The following TEX14 variants were observed in gnomAD, a reference collection of about 807,000 sequenced individuals.
The protein encoded by TEX14 is testis expressed 14, intercellular bridge forming factor, also known as inactive serine/threonine-protein kinase TEX14.
A neutral mutation model predicts 178.6 loss-of-function variants in TEX14; 168 were observed. That is an observed-to-expected ratio of 0.94 (90% CI 0.83 to 1.07). The LOEUF is 1.07. Ranked by LOEUF, TEX14 falls within the 50% of genes least tolerant of loss-of-function variation. The pLI, the probability that TEX14 is intolerant of heterozygous loss-of-function variation, is 0.00. For synonymous variants in TEX14, 626 were observed against 634.1 expected (o/e 0.99, Z 0.19); for missense variants, 1,730 against 1,753.6 (o/e 0.99, Z 0.24).
chr17:58,643,210 C>A (rs191817104), intron 2 of TEX14, among the ~76,000 whole-genome samples: 2 of 152,258 alleles, frequency 1.3e-5, no homozygotes, highest in African/African-American at 4.8e-5. Flanking sequence ...CCCAATAAAG[C>A]TGGCCTGTAT....
intron 3 of TEX14, among the ~76,000 whole-genome samples, chr17:58,626,569 CAAAAAAAAAAAA>C (rs11327030): frequency 3.0e-5 from 1 of 33,662 alleles, no homozygotes; most frequent in Non-Finnish European, 4.9e-5. Context: ...GACTCCATCT[CAAAAAAAAAAAA>C]AAAAAAAAAA....
chr17:58,559,307 A>C, intron 30 of TEX14, 146 bp downstream of exon 30: 1 of 515,040 alleles, frequency 1.9e-6, no homozygotes, highest in Non-Finnish European at 3.4e-6. Flanking sequence ...CAATTAACAG[A>C]AAACCTGAGC....
At chr17:58,574,101 A>C in intron 22 of TEX14, 86 bp downstream of exon 22, 1 of 1,110,628 alleles carries the variant, frequency 9.0e-7, no homozygotes. Flanking sequence ...TAAAAATGGA[A>C]AGATCCTTAC....
At chr17:58,657,583 C>T (rs2046997147) in intron 1 of TEX14, among the ~76,000 whole-genome samples, 1 of 124,174 alleles carries the variant, frequency 8.1e-6, no homozygotes, top group Non-Finnish European at 1.6e-5. Flanking sequence ...TGTGGAATCT[C>T]GGCTCACTGC....
intron 28 of TEX14, among the ~76,000 whole-genome samples, chr17:58,562,069 A>G (rs529324501): frequency 6.6e-6 from 1 of 152,292 alleles, no homozygotes; most frequent in Admixed American, 6.5e-5. Context: ...TGGGTGACAG[A>G]GCAAGACTCT....
At chr17:58,645,459 C>T (rs954017160) in intron 2 of TEX14, among the ~76,000 whole-genome samples, 7 of 151,944 alleles carry the variant, frequency 4.6e-5, no homozygotes, top group East Asian at 1.9e-4. Context: ...CCCGGGTTCA[C>T]GCCATTCTCC....
At position 58,607,012 on chromosome 17, in the gene TEX14, CAAAAA is replaced by C. The variant is rs35155837; in HGVS notation, c.1185-1888_1185-1884del. ...TGCATTCCAGACTGGGCTACTGTCT[CAAAAA>C]AAAAAAAAAAAAAAAAAAAGGAAGG... is the stretch of plus-strand genomic sequence containing the variant. On this transcript the variant is annotated intron_variant, in intron 10 of 31. Transcript: ENST00000349033. Among the ~76,000 whole-genome samples the C allele has an allele frequency of 2.2e-3, 200 of 92,606 alleles. 1 individual carries two copies. The highest frequency in any genetic ancestry group is 8.5e-3 in the African/African-American group (184 of 21,766). 60.8% of individuals were successfully genotyped at this position (92,606 alleles called of 152,430 possible).
At chr17:58,668,746 G>T (rs535024068) in intron 1 of TEX14, among the ~76,000 whole-genome samples, 1 of 152,130 alleles carries the variant, frequency 6.6e-6, no homozygotes, top group African/African-American at 2.4e-5. Context: ...AAATAATCTG[G>T]ATCACCCAGA....
At chr17:58,636,710 C>T (rs1300113822) in intron 2 of TEX14, among the ~76,000 whole-genome samples, 4 of 151,658 alleles carry the variant, frequency 2.6e-5, no homozygotes, top group Non-Finnish European at 5.9e-5. Flanking sequence ...GTCAGGAGTT[C>T]AAGACCAGCC....
intron 11 of TEX14, 74 bp downstream of exon 11, chr17:58,604,904 G>A: frequency 6.6e-7 from 1 of 1,514,854 alleles, no homozygotes; most frequent in Non-Finnish European, 9.1e-7. Flanking sequence ...ATAAAAGTCA[G>A]TAACTCCTGT....
chr17:58,568,711 T>C (rs574338364), intron 26 of TEX14, among the ~76,000 whole-genome samples: 1 of 152,174 alleles, frequency 6.6e-6, no homozygotes, highest in African/African-American at 2.4e-5. Flanking sequence ...CTGGTCTCTG[T>C]AGGTTTTGTG....
rs537867543 is a variant in TEX14 at position 58,560,348 on chromosome 17, T to G, written c.4158-786A>C. ...TCTTAATATTTTCCCACTAATAGAA[T>G]CACAGGTTCAAGAGTTGGAGGAGGC... On this transcript the variant is annotated intron_variant, in intron 29 of 31. Transcript: ENST00000349033. Among the ~76,000 whole-genome samples, 12 of 152,304 alleles carry G rather than the reference T, an allele frequency of 7.9e-5. No homozygotes were observed. The South Asian group carries it at 2.3e-3, about 29-fold the overall frequency.
chr17:58,649,105 G>A (rs2046784838), intron 2 of TEX14, among the ~76,000 whole-genome samples: 1 of 133,286 alleles, frequency 7.5e-6, no homozygotes, highest in African/African-American at 2.9e-5. Context: ...TTGAGATGGA[G>A]TTTTGCTCTT....
At chr17:58,610,531 C>T (rs1387741994) in intron 10 of TEX14, among the ~76,000 whole-genome samples, 1 of 152,198 alleles carries the variant, frequency 6.6e-6, no homozygotes, top group Non-Finnish European at 1.5e-5. Flanking sequence ...GGAACACTGT[C>T]CCTGCCTCCA....
chr17:58,645,854 C>G (rs1253892446), intron 2 of TEX14, among the ~76,000 whole-genome samples: 3 of 152,162 alleles, frequency 2.0e-5, no homozygotes, highest in Admixed American at 1.3e-4. Context: ...GCTCAAGTCC[C>G]TTATATAAAA....
chr17:58,588,243 C>A (rs2045030821), intron 15 of TEX14, among the ~76,000 whole-genome samples: 1 of 152,162 alleles, frequency 6.6e-6, no homozygotes, highest in Non-Finnish European at 1.5e-5. Context: ...TCTGCTCCTG[C>A]CCGTCCATCA....
chr17:58,615,671 C>T (rs908332326), intron 7 of TEX14, among the ~76,000 whole-genome samples: 20 of 152,114 alleles, frequency 1.3e-4, no homozygotes, highest in Admixed American at 9.8e-4. Flanking sequence ...AGTTAGGAGA[C>T]CACCCCAGGT....
At chr17:58,575,482 G>A (rs2144376106) in intron 21 of TEX14, among the ~76,000 whole-genome samples, 1 of 152,214 alleles carries the variant, frequency 6.6e-6, no homozygotes, top group African/African-American at 2.4e-5. Flanking sequence ...CATGGATTTG[G>A]GGTTGAGTTG....
intron 3 of TEX14, among the ~76,000 whole-genome samples, chr17:58,627,909 C>T (rs1567744720): frequency 6.9e-6 from 1 of 145,340 alleles, no homozygotes; most frequent in Non-Finnish European, 1.5e-5. Context: ...AGCCCCCATG[C>T]CACCTTTTTT....
Sources: allele counts gnomAD v4.1 joint callset (sites outside exome capture counted in the v4.1 genomes callset), GRCh38; gene constraint gnomAD v4.1.1; transcripts MANE v1.5; gene names NCBI Gene and HGNC (gene_info 2026-07-23, HGNC 2026-07-21).